Variants in PCSK6 observed in about 807,000 individuals in gnomAD.
The protein encoded by PCSK6 is proprotein convertase subtilisin/kexin type 6, also known as paired basic amino acid cleaving enzyme 4.
A neutral mutation model predicts 123.3 loss-of-function variants in PCSK6; 85 were observed. That is an observed-to-expected ratio of 0.69 (90% CI 0.58 to 0.83). The LOEUF is 0.83. Ranked by LOEUF, PCSK6 falls within the 40% of genes least tolerant of loss-of-function variation. PCSK6 has a pLI of 0.00. For synonymous variants in PCSK6, 508 were observed against 516.0 expected, an observed-to-expected ratio of 0.98 and a Z score of 0.21; for missense variants, 1,191 against 1,282.3, an observed-to-expected ratio of 0.93 and a Z score of 1.09.
At chr15:101,313,731 G>T in intron 19 of PCSK6, 2 of 557,668 alleles carry the variant, frequency 3.6e-6, no homozygotes, top group Non-Finnish European at 6.1e-6. Context: ...GGCATGAGAT[G>T]ATCTCAGAGG....
rs777063255 is a variant in PCSK6, at chr15:101,318,431, A to T, written c.2466-9T>A. On this transcript the variant is annotated splice_polypyrimidine_tract_variant and intron_variant, in intron 18 of 21. Transcript: ENST00000611716. ...AGCTGCCCCGTGCAAGGCTGTTGAA[A>T]AGAAAGAGGCAGATTTCCACATCCA... The T allele has an allele frequency of 4.4e-5, 68 of 1,550,822 alleles. No individual in the cohort carries two copies. The highest frequency in any genetic ancestry group is 5.9e-5 in the Non-Finnish European group (68 of 1,145,790).
chr15:101,323,608 C>T (rs1035525796), intron 17 of PCSK6, among the ~76,000 whole-genome samples: 4 of 152,072 alleles, frequency 2.6e-5, no homozygotes, highest in African/African-American at 9.7e-5. Context: ...TGGCGCATGC[C>T]TGTAAGCCCA....
intron 1 of PCSK6, among the ~76,000 whole-genome samples, chr15:101,466,926 G>A (rs893593139): frequency 1.3e-5 from 2 of 152,096 alleles, no homozygotes; most frequent in Non-Finnish European, 2.9e-5. Flanking sequence ...CAGATGGGGT[G>A]CGGGGACAGT....
intron 6 of PCSK6, among the ~76,000 whole-genome samples, chr15:101,421,860 CTAAT>C (rs1433985147): frequency 6.6e-6 from 1 of 152,210 alleles, no homozygotes; most frequent in African/African-American, 2.4e-5. Context: ...AATACACAAT[CTAAT>C]TGATAACTAT....
intron 1 of PCSK6, among the ~76,000 whole-genome samples, chr15:101,487,311 C>T (rs542609161): frequency 7.2e-4 from 109 of 152,364 alleles, no homozygotes; most frequent in Non-Finnish European, 1.4e-3. Context: ...GACCGGGCTG[C>T]GTGGCATTCA....
chr15:101,381,645 T>C (rs2041912882), intron 11 of PCSK6, among the ~76,000 whole-genome samples: 1 of 152,190 alleles, frequency 6.6e-6, no homozygotes, highest in African/African-American at 2.4e-5. Flanking sequence ...GCCTGGTGGA[T>C]TCACACTGCA....
intron 13 of PCSK6, among the ~76,000 whole-genome samples, chr15:101,335,891 G>A (rs901758796): frequency 2.6e-5 from 4 of 152,330 alleles, no homozygotes; most frequent in East Asian, 1.9e-4. Flanking sequence ...CGGCTCCCAG[G>A]CCACAAACCT....
chr15:101,403,302 A>C (rs527495620), intron 6 of PCSK6, among the ~76,000 whole-genome samples: 1 of 148,960 alleles, frequency 6.7e-6, no homozygotes, highest in Non-Finnish European at 1.5e-5. Context: ...GGATAGCATT[A>C]GGAGATATAC....
At chr15:101,483,641 T>C (rs1352184859) in intron 1 of PCSK6, among the ~76,000 whole-genome samples, 1 of 152,204 alleles carries the variant, frequency 6.6e-6, no homozygotes, top group African/African-American at 2.4e-5. Flanking sequence ...CTTGCTGCCA[T>C]CCTCTCCACA....
At chr15:101,401,906 T>C (rs950685220) in intron 6 of PCSK6, among the ~76,000 whole-genome samples, 5 of 151,892 alleles carry the variant, frequency 3.3e-5, no homozygotes, top group African/African-American at 1.2e-4. Context: ...CTTCACAGAA[T>C]TGGAAAAAAC....
At chr15:101,341,619 T>C (rs1012729761) in intron 13 of PCSK6, among the ~76,000 whole-genome samples, 1 of 152,134 alleles carries the variant, frequency 6.6e-6, no homozygotes, top group Non-Finnish European at 1.5e-5. Context: ...GAATTCTATA[T>C]CCAGTGAAAA....
chr15:101,310,141 C>T (rs1377911537), intron 20 of PCSK6, among the ~76,000 whole-genome samples: 4 of 152,176 alleles, frequency 2.6e-5, no homozygotes, highest in South Asian at 4.1e-4. Flanking sequence ...CAGAACCAAT[C>T]GGACCAAGGC....
chr15:101,368,151 C>G (rs996611052), intron 12 of PCSK6, among the ~76,000 whole-genome samples: 2 of 152,230 alleles, frequency 1.3e-5, no homozygotes, highest in African/African-American at 4.8e-5. Context: ...GGCGCAAGGA[C>G]AGCACTACCC....
rs977003214 is a variant in PCSK6 at position 101,456,672 on chromosome 15, C to A, written c.298-13012G>T. 1.2e-4 allele frequency among the ~76,000 whole-genome samples: 18 copies of A among 152,282 alleles called. 2 individuals carry two copies. The highest frequency in any genetic ancestry group is 8.3e-4 in the South Asian group (4 of 4,828). ...AGGAACGGCAATCTGCCAGATGCACCCCTGGATAAAAACAGGGACCCACAT... is the reference window on the plus strand; with the variant it reads ...AGGAACGGCAATCTGCCAGATGCACACCTGGATAAAAACAGGGACCCACAT... On this transcript the variant is annotated intron_variant, in intron 1 of 21. Coordinates refer to ENST00000611716, the MANE Select transcript of PCSK6 (RefSeq NM_002570.5).
At chr15:101,342,623 T>C (rs1238134981) in intron 13 of PCSK6, among the ~76,000 whole-genome samples, 1 of 152,172 alleles carries the variant, frequency 6.6e-6, no homozygotes, top group Non-Finnish European at 1.5e-5. Flanking sequence ...TGGCTTCAGC[T>C]GGGCACGGTG....
At chr15:101,411,910 A>C (rs1272225985) in intron 6 of PCSK6, among the ~76,000 whole-genome samples, 2 of 152,182 alleles carry the variant, frequency 1.3e-5, no homozygotes, top group Non-Finnish European at 2.9e-5. Context: ...TGGTCTTCCA[A>C]CCACACCCAG....
intron 13 of PCSK6, among the ~76,000 whole-genome samples, chr15:101,342,463 G>T (rs961187089): frequency 6.6e-6 from 1 of 152,214 alleles, no homozygotes; most frequent in Non-Finnish European, 1.5e-5. Flanking sequence ...GGCAGGAAAA[G>T]AGGAACAGAG....
At chr15:101,346,529 C>G (rs1192835931) in intron 13 of PCSK6, 1 of 240,082 alleles carries the variant, frequency 4.2e-6, no homozygotes, top group African/African-American at 2.2e-5. Context: ...GTAGTTTGAA[C>G]ACGAAGTGTT....
intron 4 of PCSK6, 93 bp downstream of exon 4, chr15:101,431,227 G>A: frequency 7.7e-7 from 1 of 1,304,792 alleles, no homozygotes; most frequent in Non-Finnish European, 1.1e-6. Context: ...GGGGGCTGGG[G>A]GAGATCGGGA....
Sources: gnomAD v4.1 joint callset for allele counts (sites outside exome capture counted in the v4.1 genomes callset) on GRCh38, gnomAD v4.1.1 for gene constraint, MANE v1.5 for transcripts, NCBI Gene and HGNC (gene_info 2026-07-23, HGNC 2026-07-21) for gene names.